Variants in EPB41 observed in about 807,000 individuals in gnomAD.
EPB41 encodes protein 4.1.
A neutral mutation model predicts 108.0 loss-of-function variants in EPB41; 65 were observed. The ratio of observed to expected loss-of-function variants is 0.60; its 90% CI spans 0.49 to 0.74. EPB41 has a LOEUF of 0.74. Ranked by LOEUF, EPB41 falls within the 30% of genes least tolerant of loss-of-function variation. The pLI is 0.00. For missense variants in EPB41, 875 were observed against 1,037.0 expected (o/e 0.84, Z 2.15); for synonymous variants, 336 against 358.9 (o/e 0.94, Z 0.72).
At chr1:28,897,737 G>A (rs902649089) in intron 1 of EPB41, among the ~76,000 whole-genome samples, 1 of 152,100 alleles carries the variant, frequency 6.6e-6, no homozygotes, top group Non-Finnish European at 1.5e-5. Context: ...CCTCTCTCTT[G>A]CCCTCCTTTT....
In EPB41 at chr1:29,018,330, G is replaced by C. The variant is rs371981251; in HGVS notation, c.1012G>C (p.Gly338Arg). 7 of 1,613,992 alleles carry C rather than the reference G, an allele frequency of 4.3e-6. No homozygotes were observed. The highest frequency in any genetic ancestry group is 5.9e-6 in the Non-Finnish European group (7 of 1,180,024). ...TTCTTACACCATCCAGTCTGAACTG[G>C]GAGACTACGACCCAGAACTCCATGG... is the stretch of plus-strand genomic sequence containing the variant. ...LGSYTIQSEL[G>R]DYDPELHGVD... The change falls in exon 7 of 21, where the codon GGA becomes CGA. Residue 338 changes from glycine to arginine, a missense_variant. Around this residue, in one of 3 missense-constraint regions of EPB41, gnomAD observed 353 missense variants for 393.2 expected, o/e 0.90. Transcript: ENST00000343067. This position sits in a 1 kb window ranked among gnomAD's most constrained non-coding sequence, Gnocchi z 4.4.
chr1:28,959,239 A>G (rs2095097340), intron 1 of EPB41, among the ~76,000 whole-genome samples: 1 of 120,066 alleles, frequency 8.3e-6, no homozygotes, highest in South Asian at 2.7e-4. Context: ...TTTTTTTGAG[A>G]CGGAGTCTCG....
chr1:29,039,659 A>C (rs978862670), intron 11 of EPB41, among the ~76,000 whole-genome samples: 1 of 152,044 alleles, frequency 6.6e-6, no homozygotes, highest in Admixed American at 6.6e-5. Context: ...CTAAAAATAC[A>C]AAAAATTAGC....
chr1:29,010,814 C>G (rs2096486897), intron 4 of EPB41, among the ~76,000 whole-genome samples: 2 of 152,088 alleles, frequency 1.3e-5, no homozygotes, highest in Admixed American at 1.3e-4. Context: ...GAATACTGTG[C>G]TGATATAGAA....
At chr1:29,033,618 CAT>C (rs1638290915) in intron 9 of EPB41, among the ~76,000 whole-genome samples, 1 of 152,044 alleles carries the variant, frequency 6.6e-6, no homozygotes, top group Non-Finnish European at 1.5e-5. Context: ...TCCTTTATCT[CAT>C]ATAATTAAAA....
intron 1 of EPB41, among the ~76,000 whole-genome samples, chr1:28,894,132 C>T (rs948640281): frequency 2.0e-5 from 3 of 152,152 alleles, no homozygotes; most frequent in South Asian, 2.1e-4. Context: ...CTCAGTTTCA[C>T]GTCTGCAAAA....
intron 1 of EPB41, among the ~76,000 whole-genome samples, chr1:28,902,818 G>T (rs1284298996): frequency 1.3e-5 from 2 of 152,148 alleles, no homozygotes; most frequent in Non-Finnish European, 2.9e-5. Flanking sequence ...CTACTGACTT[G>T]CTGTGTGTTC....
At chr1:29,094,474 C>A (rs1442664359) in intron 16 of EPB41, among the ~76,000 whole-genome samples, 5 of 151,924 alleles carry the variant, frequency 3.3e-5, no homozygotes, top group Admixed American at 6.6e-5. Context: ...CAAGGTTTTG[C>A]CACGTTGGCC....
rs567347944 is a variant in EPB41 at position 28,969,377 on chromosome 1, G to A, written c.-7-18054G>A. ...TGGGATTACAGGCATGAGCCACCAC[G>A]CCCAGCCCATGTCTTACTTTTCTTT... On this transcript the variant is annotated intron_variant, in intron 1 of 20. Coordinates refer to ENST00000343067, the MANE Select transcript of EPB41 (RefSeq NM_001376013.1). Among the ~76,000 whole-genome samples, 290 of 150,954 alleles carry A rather than the reference G, an allele frequency of 1.9e-3. 1 individual carries two copies. Among genetic ancestry groups the A allele is most frequent in the Non-Finnish European group, 3.5e-3 (237 of 67,834 alleles).
At chr1:29,075,471 C>G (rs988906973) in intron 16 of EPB41, among the ~76,000 whole-genome samples, 6 of 152,028 alleles carry the variant, frequency 3.9e-5, no homozygotes, top group Admixed American at 3.9e-4. Context: ...GAGCAAGACT[C>G]TGTCTCAAAA....
chr1:29,072,154 A>G (rs929756093), intron 16 of EPB41: 2 of 152,182 alleles, frequency 1.3e-5, no homozygotes, highest in African/African-American at 2.4e-5. Flanking sequence ...GTGTGCGTAT[A>G]TATCTTTTAT....
At chr1:29,050,332 C>A (rs971757351) in intron 11 of EPB41, among the ~76,000 whole-genome samples, 1 of 152,238 alleles carries the variant, frequency 6.6e-6, no homozygotes, top group Non-Finnish European at 1.5e-5. Context: ...AGACATAAAT[C>A]ATTTGGCTCT....
chr1:29,104,650 C>G (rs1666543616), intron 17 of EPB41, among the ~76,000 whole-genome samples: 1 of 152,006 alleles, frequency 6.6e-6, no homozygotes, highest in South Asian at 2.1e-4. Flanking sequence ...GTAGCATGAT[C>G]TCAGCTCACT....
intron 16 of EPB41, among the ~76,000 whole-genome samples, chr1:29,087,134 G>A (rs895596401): frequency 1.3e-5 from 2 of 151,548 alleles, no homozygotes; most frequent in Admixed American, 6.6e-5. Context: ...GTAGAGACAG[G>A]GTTTTACCAT....
At chr1:28,904,143 G>C (rs2091561794) in intron 1 of EPB41, among the ~76,000 whole-genome samples, 1 of 150,502 alleles carries the variant, frequency 6.6e-6, no homozygotes, top group Non-Finnish European at 1.5e-5. Context: ...GAGATTACAG[G>C]CATGAGTCAC....
chr1:28,986,281 T>C (rs1045161278), intron 1 of EPB41, among the ~76,000 whole-genome samples: 2 of 152,180 alleles, frequency 1.3e-5, no homozygotes, highest in Non-Finnish European at 2.9e-5. Context: ...TAGCAGTGAA[T>C]CAAAGCATAA....
At chr1:29,035,726 C>T (rs1639196222) in intron 9 of EPB41, 100 bp from the exon 10 acceptor site, 2 of 886,502 alleles carry the variant, frequency 2.3e-6, no homozygotes, top group South Asian at 2.9e-5. Flanking sequence ...TAACAATGGC[C>T]TCTTCTGTGG....
chr1:28,923,293 C>T (rs537560603), intron 1 of EPB41, among the ~76,000 whole-genome samples: 1 of 151,552 alleles, frequency 6.6e-6, no homozygotes, highest in South Asian at 2.1e-4. Context: ...CAGGGTTTCA[C>T]TATGTTGGTC....
intron 1 of EPB41, among the ~76,000 whole-genome samples, chr1:28,970,122 C>T (rs2095460405): frequency 7.9e-5 from 12 of 152,140 alleles, no homozygotes; most frequent in Admixed American, 7.9e-4. Context: ...CAAACTGGTA[C>T]TAAATCTTGT....
Sources: allele counts gnomAD v4.1 joint callset (sites outside exome capture counted in the v4.1 genomes callset), GRCh38; gene constraint gnomAD v4.1.1; regional missense constraint gnomAD v4.1.1; non-coding constraint Gnocchi (gnomAD v3.1); transcripts MANE v1.5; gene names NCBI Gene and HGNC (gene_info 2026-07-23, HGNC 2026-07-21).